The following NECTIN2 variants were observed in gnomAD, a reference collection of about 807,000 sequenced individuals.
NECTIN2 encodes nectin-2.
NECTIN2 carries 23 observed loss-of-function variants against 56.9 expected under a neutral mutation model. The observed-to-expected ratio is 0.40, with a 90% CI of 0.29 to 0.57. NECTIN2 has a LOEUF of 0.57. Ranked by LOEUF, NECTIN2 falls within the 20% of genes least tolerant of loss-of-function variation. The pLI is 0.38. For synonymous variants in NECTIN2, 302 were observed against 313.8 expected (o/e 0.96, Z 0.40); for missense variants, 587 against 718.3 (o/e 0.82, Z 2.09).
chr19:44,888,490 C>A lies in NECTIN2; in HGVS notation c.*111C>A. The stretch of plus-strand genomic sequence containing the variant: ...AGGCCACTGTCAGTTAACACATATG[C>A]ATTCCATTTGTGATGTCTACCTTGG... On this transcript the variant is annotated 3_prime_UTR_variant, in exon 9 of 9. Coordinates refer to ENST00000252483, the MANE Select transcript of NECTIN2 (RefSeq NM_001042724.2). 8.4e-7 allele frequency: 1 copy of A among 1,184,338 alleles called. No homozygotes were observed. Among genetic ancestry groups the A allele is most frequent in the Non-Finnish European group, 1.2e-6 (1 of 843,552 alleles). The allele number at this position is 1,184,338 out of a possible 1,614,324, so 73.4% of individuals were successfully genotyped here.
rs140010660 is a variant in NECTIN2 at position 44,868,866 on chromosome 19, C to T, written c.479-2987C>T. On this transcript the variant is annotated intron_variant, in intron 2 of 8. Transcript: ENST00000252483. ...GGCGGAGCTTGCAGTGAGCCGAGAT[C>T]GCGCCACTATACTCCAGCCTGGGCG... is the stretch of plus-strand genomic sequence containing the variant. Among the ~76,000 whole-genome samples, 90 of 151,384 alleles carry T rather than the reference C, an allele frequency of 5.9e-4. 1 individual carries two copies. The East Asian group carries it at 0.014, about 23-fold the overall frequency.
At chr19:44,864,924 T>G in intron 1 of NECTIN2, among the ~76,000 whole-genome samples, 1 of 152,142 alleles carries the variant, frequency 6.6e-6, no homozygotes, top group Non-Finnish European at 1.5e-5. Flanking sequence ...CTGAACCATT[T>G]AGGAGTAACT....
In NECTIN2 at chr19:44,880,551, G is replaced by A. The variant is rs183161720; in HGVS notation, c.1043-1660G>A. Among the ~76,000 whole-genome samples the A allele has an allele frequency of 6.9e-3, 882 of 127,218 alleles. 4 individuals are homozygous for A. Among genetic ancestry groups the A allele is most frequent in the South Asian group, 9.9e-3 (37 of 3,746 alleles). The allele number at this position is 127,218 out of a possible 152,430, so 83.5% of individuals were successfully genotyped here. ...TACCCAGGCTGGAGTGCAGTGGTAC[G>A]ATCTCGGCTCACTGCACCCTCCACC... On this transcript the variant is annotated intron_variant, in intron 5 of 8. Coordinates refer to ENST00000252483, the MANE Select transcript of NECTIN2 (RefSeq NM_001042724.2).
At chr19:44,880,849 G>A (rs1279261767) in intron 5 of NECTIN2, among the ~76,000 whole-genome samples, 1 of 149,946 alleles carries the variant, frequency 6.7e-6, no homozygotes, top group Non-Finnish European at 1.5e-5. Context: ...CTTGGCTCAC[G>A]GCAACCTCCG....
At position 44,889,186 on chromosome 19, in the gene NECTIN2, A is replaced by C. The variant is rs1969393678; in HGVS notation, c.*807A>C. 6.6e-6 allele frequency: 1 copy of C among 152,264 alleles called. No homozygotes were observed. The highest frequency in any genetic ancestry group is 6.5e-5 in the Admixed American group (1 of 15,284). The allele number at this position is 152,264 out of a possible 1,614,324, so 9.4% of individuals were successfully genotyped here. ...GGGGTAGCAATTGATACTGTTTTGT[A>C]AACTACATTTCCTACAAAATATGAA... On this transcript the variant is annotated 3_prime_UTR_variant, in exon 9 of 9. Coordinates refer to ENST00000252483, the MANE Select transcript of NECTIN2 (RefSeq NM_001042724.2).
rs1968925303 is a variant in NECTIN2, at chr19:44,853,431, G to A, written c.88+6818G>A. ...AGGATGGTCTCAATCTCCTGACCTCGTGATCTGCCTGCCTTGGCCTCCCAA... is the reference window on the plus strand; with the variant it reads ...AGGATGGTCTCAATCTCCTGACCTCATGATCTGCCTGCCTTGGCCTCCCAA... On this transcript the variant is annotated intron_variant, in intron 1 of 8. Coordinates refer to ENST00000252483, the MANE Select transcript of NECTIN2 (RefSeq NM_001042724.2). 3.3e-5 allele frequency among the ~76,000 whole-genome samples: 5 copies of A among 151,050 alleles called. No homozygotes were observed. In the South Asian group the frequency reaches 6.3e-4, roughly 19 times the overall value.
chr19:44,880,230 C>T (rs1054575719), intron 5 of NECTIN2, among the ~76,000 whole-genome samples: 1 of 152,160 alleles, frequency 6.6e-6, no homozygotes, highest in African/African-American at 2.4e-5. Flanking sequence ...GAATTGGGTC[C>T]GCCTGGCACA....
chr19:44,847,663 G>C (rs1968851682), intron 1 of NECTIN2, among the ~76,000 whole-genome samples: 1 of 152,284 alleles, frequency 6.6e-6, no homozygotes, highest in East Asian at 1.9e-4. Flanking sequence ...GAATGGTCGG[G>C]GGCGACGGAG....
At chr19:44,877,132 T>G (rs1266125789) in intron 5 of NECTIN2, among the ~76,000 whole-genome samples, 1 of 152,152 alleles carries the variant, frequency 6.6e-6, no homozygotes, top group African/African-American at 2.4e-5. Flanking sequence ...GTCACTAAGC[T>G]GATTTGACAG....
Position 44,846,538 on chromosome 19 carries a change from G to T in NECTIN2, c.13G>T (p.Ala5Ser). Residue 5 changes from alanine (A) to serine (S), a missense_variant, in exon 1 of 9, where the codon GCT (alanine) becomes TCT (serine). Physicochemically the swap from Ala to Ser is moderately conservative, Grantham distance 99. Coordinates refer to ENST00000252483, the MANE Select transcript of NECTIN2 (RefSeq NM_001042724.2). ...TCCCGGGCCCTCCATGGCCCGGGCCGCTGCCCTCCTGCCGTCGAGATCGCC... is the reference window on the plus strand; with the variant it reads ...TCCCGGGCCCTCCATGGCCCGGGCCTCTGCCCTCCTGCCGTCGAGATCGCC... MARA[A>S]ALLPSRSPPT... is the part of the protein sequence containing the mutation. The T allele has an allele frequency of 3.3e-6, 5 of 1,519,714 alleles. No individual in the cohort carries two copies. Among genetic ancestry groups the T allele is most frequent in the Non-Finnish European group, 4.4e-6 (5 of 1,140,496 alleles). The allele number at this position is 1,519,714 out of a possible 1,614,324, so 94.1% of individuals were successfully genotyped here.
chr19:44,872,587 A>G (rs1213571166), intron 3 of NECTIN2, among the ~76,000 whole-genome samples: 1 of 151,950 alleles, frequency 6.6e-6, no homozygotes, highest in Non-Finnish European at 1.5e-5. Flanking sequence ...TCTGGCTCCC[A>G]TGGACCCCGG....
At chr19:44,857,449 T>A (rs530434332) in intron 1 of NECTIN2, among the ~76,000 whole-genome samples, 1 of 151,934 alleles carries the variant, frequency 6.6e-6, no homozygotes, top group South Asian at 2.1e-4. Flanking sequence ...TTGCCCAGGC[T>A]GGAGTGTAGT....
chr19:44,887,752 C>T (rs1361783213), intron 8 of NECTIN2, among the ~76,000 whole-genome samples: 1 of 152,182 alleles, frequency 6.6e-6, no homozygotes, highest in Non-Finnish European at 1.5e-5. Flanking sequence ...CAGTGGTCTA[C>T]TGGAGGTCAG....
chr19:44,886,415 G>A (rs1316378161), intron 8 of NECTIN2, among the ~76,000 whole-genome samples, 196 bp downstream of exon 8: 1 of 152,206 alleles, frequency 6.6e-6, no homozygotes, highest in Non-Finnish European at 1.5e-5. Context: ...AAGGTCACAA[G>A]GTTAGAATTT....
At position 44,874,286 on chromosome 19, in the gene NECTIN2, T is replaced by G; in HGVS notation, c.894-44T>G. 6.3e-7 allele frequency: 1 copy of G among 1,597,454 alleles called. No homozygotes were observed. Among genetic ancestry groups the G allele is most frequent in the Non-Finnish European group, 8.6e-7 (1 of 1,165,280 alleles). The stretch of plus-strand genomic sequence containing the variant: ...TTTAGGGATGAGGCCTGTGCTCCCC[T>G]CTCGACCTTGGTATCCCTCTCACCT... On this transcript the variant is annotated intron_variant, in intron 4 of 8. Transcript: ENST00000252483. The surrounding 1 kb of genome is among the most constrained non-coding windows in gnomAD (Gnocchi z 6.3).
chr19:44,856,319 T>G (rs993621789), intron 1 of NECTIN2, among the ~76,000 whole-genome samples: 8 of 152,110 alleles, frequency 5.3e-5, no homozygotes, highest in African/African-American at 1.9e-4. Flanking sequence ...TCCTAAGACC[T>G]ATTAGCCTCC....
rs1428273498 is a variant in NECTIN2, at chr19:44,865,312, G to T, written c.130G>T (p.Gly44Cys). Reference protein sequence around the residue: ...VRVQVLPEVRGQLGGTVELPC... With the variant: ...VRVQVLPEVRCQLGGTVELPC... ...AGTTCAAGTGCTACCCGAGGTGCGAGGCCAGCTCGGGGGCACCGTGGAGCT... is the reference window on the plus strand; with the variant it reads ...AGTTCAAGTGCTACCCGAGGTGCGATGCCAGCTCGGGGGCACCGTGGAGCT... The change falls in exon 2 of 9, where the codon GGC becomes TGC. Residue 44 changes from glycine (G) to cysteine (C), a missense_variant. Physicochemically the swap from Gly to Cys is radical, Grantham distance 159. Transcript: ENST00000252483. This position sits in a 1 kb window ranked among gnomAD's most constrained non-coding sequence, Gnocchi z 5.2. 9 of 1,613,678 alleles carry T rather than the reference G, an allele frequency of 5.6e-6. No homozygotes were observed. Among genetic ancestry groups the T allele is most frequent in the Non-Finnish European group, 6.8e-6 (8 of 1,179,862 alleles).
intron 5 of NECTIN2, chr19:44,878,245 A>C: frequency 1.3e-6 from 1 of 799,186 alleles, no homozygotes; most frequent in Non-Finnish European, 2.1e-6. Flanking sequence ...CCTCGCCCCG[A>C]GATGTGGGCC....
chr19:44,861,714 T>C (rs1390323868), intron 1 of NECTIN2, among the ~76,000 whole-genome samples: 1 of 151,920 alleles, frequency 6.6e-6, no homozygotes, highest in Admixed American at 6.6e-5. Context: ...CTTCTCAAAA[T>C]AAGACAGTCA....
Sources: allele counts gnomAD v4.1 joint callset (sites outside exome capture counted in the v4.1 genomes callset), GRCh38; gene constraint gnomAD v4.1.1; non-coding constraint Gnocchi (gnomAD v3.1); transcripts MANE v1.5; gene names NCBI Gene and HGNC (gene_info 2026-07-23, HGNC 2026-07-21).